The following MST1R variants were observed in gnomAD, a reference collection of about 807,000 sequenced individuals.
MST1R encodes macrophage stimulating 1 receptor, also known as macrophage-stimulating protein receptor.
MST1R carries 99 observed loss-of-function variants against 117.8 expected under a neutral mutation model. That is an observed-to-expected ratio of 0.84 (90% CI 0.71 to 0.99). The LOEUF (loss-of-function observed/expected upper bound fraction) is 0.99. Among genes scored for constraint, MST1R ranks in the 50% least tolerant of loss-of-function variants. The pLI is 0.00. For missense variants in MST1R, 1,683 were observed against 1,840.2 expected, an observed-to-expected ratio of 0.91 and a Z score of 1.56; for synonymous variants, 734 against 765.3, an observed-to-expected ratio of 0.96 and a Z score of 0.68.
rs56066753 is a variant in MST1R at position 49,887,404 on chromosome 3, T to A, written c.4106A>T (p.His1369Leu). Reference sequence around the variant, plus strand: ...CTGTTCTGGACGCACATTCATCTCATGCGAGGTGCTGGGGCCCAAGTTCAT... The same window carrying A: ...CTGTTCTGGACGCACATTCATCTCAAGCGAGGTGCTGGGGCCCAAGTTCAT... The part of the protein sequence containing the change: ...TYMNLGPSTS[H>L]EMNVRPEQPQ... The change falls in exon 20 of 20, where the codon CAT becomes CTT. Residue 1369 changes from histidine (H) to leucine (L), a missense_variant. Transcript: ENST00000296474. 9 of 1,614,232 alleles carry A rather than the reference T, an allele frequency of 5.6e-6. No individual in the cohort carries two copies. The East Asian group carries it at 2.0e-4, about 36-fold the overall frequency.
rs1229700410 is a variant in MST1R, at chr3:49,891,182, A to G, written c.3644+15T>C. 6.2e-7 allele frequency: 1 copy of G among 1,610,934 alleles called. No homozygotes were observed. Among genetic ancestry groups the G allele is most frequent in the African/African-American group, 1.3e-5 (1 of 74,832 alleles). ...CCTGTCCTTTTGCTTCACCCCAGCTACTCTGGACTCTCACATGCAGTTCCG... is the reference window on the plus strand; with the variant it reads ...CCTGTCCTTTTGCTTCACCCCAGCTGCTCTGGACTCTCACATGCAGTTCCG... On this transcript the variant is annotated intron_variant, in intron 17 of 19. Transcript: ENST00000296474.
At position 49,903,719 on chromosome 3, in the gene MST1R, G is replaced by C; in HGVS notation, c.-110C>G. On this transcript the variant is annotated 5_prime_UTR_variant, in exon 1 of 20. Transcript: ENST00000296474. ...CTGGACTGGGCCAAATTTAAGCAGC[G>C]GTCCCGACAGCCCCAAGATAGCGGA... 7.1e-7 allele frequency: 1 copy of C among 1,399,062 alleles called. No homozygotes were observed. The highest frequency in any genetic ancestry group is 2.6e-5 in the Admixed American group (1 of 38,210). The allele number at this position is 1,399,062 out of a possible 1,614,324, so 86.7% of individuals were successfully genotyped here.
intron 4 of MST1R, 68 bp downstream of exon 4, chr3:49,898,450 A>G: frequency 6.4e-7 from 1 of 1,565,766 alleles, no homozygotes; most frequent in Non-Finnish European, 8.7e-7. Flanking sequence ...TGTGATCAAG[A>G]CTTGCTGACC....
rs756112461 is a variant in MST1R, at chr3:49,891,777, A to G, written c.3333T>C (p.Cys1111=). 6.2e-7 allele frequency: 1 copy of G among 1,614,020 alleles called. No homozygotes were observed. The highest frequency in any genetic ancestry group is 1.7e-5 in the Admixed American group (1 of 60,006). Residue 1111 remains cysteine (C), a synonymous_variant, in exon 15 of 20, where the codon TGT becomes TGC. Transcript: ENST00000296474. ...ACTTACGACTTAGTGACTTGATGGC[A>G]CATTGGATTCGATTCTGGGCCTGGT... ...YIDQAQNRIQ[C]AIKSLSRITE...
Position 49,903,797 on chromosome 3 carries a change from G to T in MST1R, c.-188C>A. On this transcript the variant is annotated 5_prime_UTR_variant, in exon 1 of 20. Coordinates refer to ENST00000296474, the MANE Select transcript of MST1R (RefSeq NM_002447.4). ...AAATCCCTTCCCGGCCCTCGGGTCT[G>T]AGCACCTGACGCCTGCGGACGCACG... 2 of 759,480 alleles carry T rather than the reference G, an allele frequency of 2.6e-6. No homozygotes were observed. The highest frequency in any genetic ancestry group is 4.0e-6 in the Non-Finnish European group (2 of 493,842). 47.0% of individuals were successfully genotyped at this position (759,480 alleles called of 1,614,324 possible).
Position 49,891,328 on chromosome 3 carries a change from T to C in MST1R, c.3535-22A>G, listed in dbSNP as rs375204860. 69 of 1,613,922 alleles carry C rather than the reference T, an allele frequency of 4.3e-5. No individual in the cohort carries two copies. In the African/African-American group the frequency reaches 5.9e-4, roughly 14 times the overall value. ...GGTTCTGGGGGCACAGGTGGGTTGGTGGGCAAGGGCACAGCAGCTCCTTCT... is the reference window on the plus strand; with the variant it reads ...GGTTCTGGGGGCACAGGTGGGTTGGCGGGCAAGGGCACAGCAGCTCCTTCT... On this transcript the variant is annotated intron_variant, in intron 16 of 19. Coordinates refer to ENST00000296474, the MANE Select transcript of MST1R (RefSeq NM_002447.4).
chr3:49,902,525 G>C lies in MST1R; in HGVS notation c.1085C>G (p.Pro362Arg), dbSNP rs766813181. 1.2e-6 allele frequency: 2 copies of C among 1,614,124 alleles called. No individual in the cohort carries two copies. The highest frequency in any genetic ancestry group is 1.7e-6 in the Non-Finnish European group (2 of 1,180,050). ...TGKDGGPGVGPNSVVCAFPID... is the reference protein window; with the variant it reads ...TGKDGGPGVGRNSVVCAFPID... ...GGGGAAGGCACAGACGACAGAGTTG[G>C]GGCCCACGCCAGGACCACCATCCTT... Residue 362 changes from proline to arginine, a missense_variant, in exon 1 of 20, where the codon CCC becomes CGC. Pro to Arg is a moderately radical substitution (Grantham distance 103, BLOSUM62 -2). Transcript: ENST00000296474.
chr3:49,897,312 C>A lies in MST1R; in HGVS notation c.2151G>T (p.Val717=). Residue 717 remains valine, a synonymous_variant, in exon 7 of 20, where the codon GTG becomes GTT. Transcript: ENST00000296474. Reference sequence around the variant, plus strand: ...GCAGACACTCAGTCCCATTGACCAGCACAGCCCGGCTGGTGCCTACAGACA... The same window carrying A: ...GCAGACACTCAGTCCCATTGACCAGAACAGCCCGGCTGGTGCCTACAGACA... The part of the protein sequence containing the change: ...QSLSVGTSRA[V]LVNGTECLLA... 6.2e-7 allele frequency: 1 copy of A among 1,613,088 alleles called. No homozygotes were observed. Among genetic ancestry groups the A allele is most frequent in the Non-Finnish European group, 8.5e-7 (1 of 1,179,504 alleles).
chr3:49,891,093 G>C, intron 17 of MST1R, 104 bp downstream of exon 17: 3 of 1,010,250 alleles, frequency 3.0e-6, no homozygotes, highest in African/African-American at 1.6e-5. Flanking sequence ...GGTGCAGAGA[G>C]GGGAGGACAA....
rs1345824757 is a variant in MST1R at position 49,887,540 on chromosome 3, A to G, written c.3970T>C (p.Trp1324Arg). 1 of 1,614,104 alleles carries G rather than the reference A, an allele frequency of 6.2e-7. No individual in the cohort carries two copies. Residue 1324 changes from tryptophan (W) to arginine (R), a missense_variant, in exon 20 of 20, where the codon TGG (tryptophan) becomes CGG (arginine). Coordinates refer to ENST00000296474, the MANE Select transcript of MST1R (RefSeq NM_002447.4). The part of the protein sequence containing the change: ...DSLYQVMQQC[W>R]EADPAVRPTF... ...GGTCGCACTGCTGGGTCTGCCTCCC[A>G]GCATTGCTGCATCACTTGGTACCTG...
rs778829603 is a variant in MST1R at position 49,895,984 on chromosome 3, C to T, written c.2773G>A (p.Gly925Ser). The T allele has an allele frequency of 5.7e-6, 9 of 1,580,404 alleles. No homozygotes were observed. Among genetic ancestry groups the T allele is most frequent in the Non-Finnish European group, 6.9e-6 (8 of 1,162,996 alleles). The stretch of plus-strand genomic sequence containing the variant: ...ACCTGCAATGGGGCACCATCCTGGC[C>T]AAGCTGCAGGGATGGGGGCAGGGGG... ...VCPLPPSLQLGQDGAPLQVCV... is the reference protein window; with the variant it reads ...VCPLPPSLQLSQDGAPLQVCV... Residue 925 changes from glycine to serine, a missense_variant, in exon 11 of 20, where the codon GGC (glycine) becomes AGC (serine). Transcript: ENST00000296474.
Position 49,902,716 on chromosome 3 carries a change from G to A in MST1R, c.894C>T (p.Leu298=), listed in dbSNP as rs369687896. Residue 298 remains leucine, a synonymous_variant, in exon 1 of 20, where the codon CTC becomes CTT. Coordinates refer to ENST00000296474, the MANE Select transcript of MST1R (RefSeq NM_002447.4). ...TGCGTTTTGGAGCAAATCTGCAGTC[G>A]AGGACCAGCTCCCGATAGTCACCCA... ...PELGDYRELV[L]DCRFAPKRRR... is the part of the protein sequence containing the mutation. 9.4e-5 allele frequency: 151 copies of A among 1,613,496 alleles called. No homozygotes were observed. The highest frequency in any genetic ancestry group is 3.0e-4 in the Admixed American group (18 of 60,014).
chr3:49,901,172 G>C (rs2082663751), intron 1 of MST1R, among the ~76,000 whole-genome samples: 1 of 152,204 alleles, frequency 6.6e-6, no homozygotes, highest in Admixed American at 6.5e-5. Flanking sequence ...CCCAACCCTA[G>C]GGCCTCTCAA....
rs568357530 is a variant in MST1R, at chr3:49,890,996, G to A, written c.3644+201C>T. On this transcript the variant is annotated intron_variant, in intron 17 of 19. Coordinates refer to ENST00000296474, the MANE Select transcript of MST1R (RefSeq NM_002447.4). ...CTTCCTCAGCCTCCCAAAGTGCTGG[G>A]ATTACAGACGTGAGCCACCGCGCCT... Among the ~76,000 whole-genome samples, 29 of 152,326 alleles carry A rather than the reference G, an allele frequency of 1.9e-4. No homozygotes were observed. In the South Asian group the frequency reaches 5.8e-3, roughly 30 times the overall value.
At chr3:49,902,294 A>C (rs2082705113) in intron 1 of MST1R, 86 bp downstream of exon 1, 12 of 1,447,940 alleles carry the variant, frequency 8.3e-6, no homozygotes, top group Non-Finnish European at 1.0e-5. Flanking sequence ...CCGCGCCCCC[A>C]GATCCCCTCA....
Position 49,891,592 on chromosome 3 carries a change from C to T in MST1R, c.3353-12G>A, listed in dbSNP as rs55643042. The T allele has an allele frequency of 1.9e-4, 308 of 1,613,206 alleles. No homozygotes were observed. The African/African-American group carries it at 3.3e-3, about 17-fold the overall frequency. On this transcript the variant is annotated splice_polypyrimidine_tract_variant and intron_variant, in intron 15 of 19. Coordinates refer to ENST00000296474, the MANE Select transcript of MST1R (RefSeq NM_002447.4). ...CATCTCTGTGATGCCTGCAGAGCAGCGCAAGTCAGGCACAGGGCAGGGCGT... is the reference window on the plus strand; with the variant it reads ...CATCTCTGTGATGCCTGCAGAGCAGTGCAAGTCAGGCACAGGGCAGGGCGT...
At position 49,891,428 on chromosome 3, in the gene MST1R, G is replaced by A. The variant is rs761705082; in HGVS notation, c.3505C>T (p.Leu1169=). 1 of 1,614,040 alleles carries A rather than the reference G, an allele frequency of 6.2e-7. No individual in the cohort carries two copies. The highest frequency in any genetic ancestry group is 8.5e-7 in the Non-Finnish European group (1 of 1,180,048). The change falls in exon 16 of 20, where the codon CTG becomes TTG. Residue 1169 remains leucine, a synonymous_variant. Coordinates refer to ENST00000296474, the MANE Select transcript of MST1R (RefSeq NM_002447.4). ...VLLPYMCHGD[L]LQFIRSPQRN... is the part of the protein sequence containing the mutation. Reference sequence around the variant, plus strand: ...TGAGGTGAGCGGATGAACTGGAGCAGGTCACCGTGGCACATATAGGGCAGC... The same window carrying A: ...TGAGGTGAGCGGATGAACTGGAGCAAGTCACCGTGGCACATATAGGGCAGC...
At position 49,903,541 on chromosome 3, in the gene MST1R, C is replaced by A. The variant is rs772499456; in HGVS notation, c.69G>T (p.Ala23=). Residue 23 remains alanine (A), a synonymous_variant, in exon 1 of 20, where the codon GCG becomes GCT. Coordinates refer to ENST00000296474, the MANE Select transcript of MST1R (RefSeq NM_002447.4). Reference sequence around the variant, plus strand: ...TGCGCGGGCACTGCCAGTCCTCGCCCGCCGCGGGCTTGGCAGGCAACAGCA... The same window carrying A: ...TGCGCGGGCACTGCCAGTCCTCGCCAGCCGCGGGCTTGGCAGGCAACAGCA... ...LLLLLPAKPA[A]GEDWQCPRTP... is the part of the protein sequence containing the mutation. 2.5e-6 allele frequency: 4 copies of A among 1,600,258 alleles called. No individual in the cohort carries two copies. Among genetic ancestry groups the A allele is most frequent in the Non-Finnish European group, 3.4e-6 (4 of 1,177,252 alleles).
intron 14 of MST1R, among the ~76,000 whole-genome samples, chr3:49,893,215 G>T (rs2082364219): frequency 1.3e-5 from 2 of 151,798 alleles, no homozygotes. Context: ...GGAGGCAGAG[G>T]TTGCAGTGAG....
Sources: gnomAD v4.1 joint callset for allele counts (sites outside exome capture counted in the v4.1 genomes callset) on GRCh38, gnomAD v4.1.1 for gene constraint, MANE v1.5 for transcripts, NCBI Gene and HGNC (gene_info 2026-07-23, HGNC 2026-07-21) for gene names.